Variants in PANK4 observed in about 807,000 individuals in gnomAD.
The protein encoded by PANK4 is pantothenate kinase 4 (inactive).
A neutral mutation model predicts 87.9 loss-of-function variants in PANK4; 40 were observed. The ratio of observed to expected loss-of-function variants is 0.46; its 90% confidence interval spans 0.35 to 0.59. The LOEUF is 0.59. PANK4 is among the 20% of genes least tolerant of loss of function. The pLI is 0.00. For synonymous variants in PANK4, 524 were observed against 467.4 expected (o/e 1.12, Z -1.56); for missense variants, 926 against 1,072.3 (o/e 0.86, Z 1.90).
intron 7 of PANK4, among the ~76,000 whole-genome samples, chr1:2,518,840 G>C (rs1248290825): frequency 1.3e-5 from 2 of 152,260 alleles, no homozygotes; most frequent in African/African-American, 4.8e-5. Context: ...ACAAGTCTCT[G>C]CGTCAGGCAT....
chr1:2,518,842 G>A (rs915963971), intron 7 of PANK4, among the ~76,000 whole-genome samples: 9 of 152,250 alleles, frequency 5.9e-5, no homozygotes, highest in Non-Finnish European at 1.0e-4. Context: ...AAGTCTCTGC[G>A]TCAGGCATGT....
chr1:2,521,813 C>T lies in PANK4; in HGVS notation c.125-13G>A, dbSNP rs200267772. 1.6e-3 allele frequency: 2,515 copies of T among 1,610,556 alleles called. 3 individuals are homozygous for T. Among genetic ancestry groups the T allele is most frequent in the Admixed American group, 2.1e-3 (127 of 60,020 alleles). Reference sequence around the variant, plus strand: ...GTTAACGACCCGCCTGCAGGGGAGACACAAACCGGGCAGGATTCAGGACCA... The same window carrying T: ...GTTAACGACCCGCCTGCAGGGGAGATACAAACCGGGCAGGATTCAGGACCA... On this transcript the variant is annotated splice_polypyrimidine_tract_variant and intron_variant, in intron 1 of 18. Transcript: ENST00000378466.
chr1:2,519,894 C>A lies in PANK4; in HGVS notation c.760G>T (p.Val254Leu). The change falls in exon 6 of 19, where the codon GTG (valine) becomes TTG (leucine). Residue 254 changes from valine to leucine, a missense_variant. By Grantham distance (32) the Val-to-Leu change is conservative. Transcript: ENST00000378466. This position sits in a 1 kb window ranked among gnomAD's most constrained non-coding sequence, Gnocchi z 8.3. ...RGQHSNVDML[V>L]RDVYGGAHQT... Reference sequence around the variant, plus strand: ...TGGGCGCCGCCGTAGACGTCCCGCACCAGCATGTCCACATTGCTGTGCTGG... The same window carrying A: ...TGGGCGCCGCCGTAGACGTCCCGCAACAGCATGTCCACATTGCTGTGCTGG... The A allele has an allele frequency of 6.4e-7, 1 of 1,567,788 alleles. No homozygotes were observed. Among genetic ancestry groups the A allele is most frequent in the Non-Finnish European group, 8.6e-7 (1 of 1,156,452 alleles).
At chr1:2,517,479 AATGAGCC>A (rs1643801690) in intron 9 of PANK4, among the ~76,000 whole-genome samples, 1 of 152,208 alleles carries the variant, frequency 6.6e-6, no homozygotes, top group South Asian at 2.1e-4. Flanking sequence ...CTACAGAAGG[AATGAGCC>A]CCGCGGGGGG....
rs547503062 is a variant in PANK4 at position 2,508,608 on chromosome 1, C to T, written c.*239G>A. On this transcript the variant is annotated 3_prime_UTR_variant, in exon 19 of 19. Coordinates refer to ENST00000378466, the MANE Select transcript of PANK4 (RefSeq NM_018216.4). The surrounding 1 kb of genome is among the most constrained non-coding windows in gnomAD (Gnocchi z 5.1). Reference sequence around the variant, plus strand: ...GTCAGACATACCTGTATAGATCTCTCTATTTATATATATATATATATAAAA... The same window carrying T: ...GTCAGACATACCTGTATAGATCTCTTTATTTATATATATATATATATAAAA... The T allele has an allele frequency of 4.5e-6, 1 of 223,688 alleles. No homozygotes were observed. The highest frequency in any genetic ancestry group is 7.7e-6 in the Non-Finnish European group (1 of 129,672). The allele number at this position is 223,688 out of a possible 1,614,324, so 13.9% of individuals were successfully genotyped here. A position where few individuals can be genotyped will look rare whatever the true frequency, so the allele number is the denominator to read the frequency against.
intron 1 of PANK4, 153 bp from the exon 2 acceptor site, chr1:2,521,953 A>G: frequency 1.5e-6 from 1 of 646,782 alleles, no homozygotes; most frequent in Non-Finnish European, 2.8e-6. Flanking sequence ...TGTGGGCACA[A>G]AAGAGAGGAC....
At position 2,520,455 on chromosome 1, in the gene PANK4, C is replaced by G. The variant is rs776953503; in HGVS notation, c.607-41G>C. The G allele has an allele frequency of 2.6e-6, 4 of 1,546,826 alleles. No homozygotes were observed. In the South Asian group the frequency reaches 4.5e-5, roughly 17 times the overall value. ...GGCAGGTGTGCCCTCAGTGGGCCCT[C>G]AGCCACACAGGCTCCCCCGCCCCCC... On this transcript the variant is annotated intron_variant, in intron 4 of 18. Coordinates refer to ENST00000378466, the MANE Select transcript of PANK4 (RefSeq NM_018216.4). The surrounding 1 kb of genome is among the most constrained non-coding windows in gnomAD (Gnocchi z 6.2).
rs993754834 is a variant in PANK4 at position 2,521,868 on chromosome 1, C to T, written c.125-68G>A. ...ACAGCGGGGCCTGGGGGTCCATGCC[C>T]CACACTCTCTGGGTGTCCTGGAGAC... On this transcript the variant is annotated intron_variant, in intron 1 of 18. Transcript: ENST00000378466. 8.1e-6 allele frequency: 10 copies of T among 1,227,224 alleles called. No homozygotes were observed. In the Admixed American group the frequency reaches 1.2e-4, roughly 14 times the overall value. 76.0% of individuals were successfully genotyped at this position (1,227,224 alleles called of 1,614,324 possible).
rs1643863423 is a variant in PANK4, at chr1:2,520,224, C to A, written c.699+98G>T. ...CACTGACGCGAGTCAGGAGGGAGGC[C>A]CGGAAGCAGCTTTTGCACCGCCCAG... On this transcript the variant is annotated intron_variant, in intron 5 of 18. Coordinates refer to ENST00000378466, the MANE Select transcript of PANK4 (RefSeq NM_018216.4). The surrounding 1 kb of genome is among the most constrained non-coding windows in gnomAD (Gnocchi z 6.2). The A allele has an allele frequency of 3.0e-5, 35 of 1,168,440 alleles. 1 individual carries two copies. The South Asian group carries it at 4.3e-4, about 15-fold the overall frequency. 72.4% of individuals were successfully genotyped at this position (1,168,440 alleles called of 1,614,324 possible).
In PANK4 at chr1:2,521,808, GGA is replaced by G. The variant is rs746097099; in HGVS notation, c.125-10_125-9del. On this transcript the variant is annotated splice_polypyrimidine_tract_variant and intron_variant, in intron 1 of 18. Coordinates refer to ENST00000378466, the MANE Select transcript of PANK4 (RefSeq NM_018216.4). ...GCTTGGTTAACGACCCGCCTGCAGG[GGA>G]GACACAAACCGGGCAGGATTCAGGA... is the stretch of plus-strand genomic sequence containing the variant. 24 of 1,612,732 alleles carry G rather than the reference GGA, an allele frequency of 1.5e-5. No individual in the cohort carries two copies. The East Asian group carries it at 5.1e-4, about 34-fold the overall frequency.
Position 2,523,271 on chromosome 1 carries a change from G to T in PANK4, c.125-1471C>A, listed in dbSNP as rs542675594. On this transcript the variant is annotated intron_variant, in intron 1 of 18. Coordinates refer to ENST00000378466, the MANE Select transcript of PANK4 (RefSeq NM_018216.4). ...GGTGAGGGCAGGCTCCCCGACGGCT[G>T]GCGTACAGTCTGGTGGACGCGTCAC... is the stretch of plus-strand genomic sequence containing the variant. Among the ~76,000 whole-genome samples the T allele has an allele frequency of 5.9e-3, 901 of 152,202 alleles. 3 individuals are homozygous for T. The highest frequency in any genetic ancestry group is 0.01 in the Non-Finnish European group (687 of 67,998).
intron 1 of PANK4, among the ~76,000 whole-genome samples, chr1:2,523,433 A>G (rs1405191241): frequency 6.6e-6 from 1 of 152,206 alleles, no homozygotes; most frequent in African/African-American, 2.4e-5. Flanking sequence ...ATCGTTTTCT[A>G]AAACGACAGA....
chr1:2,515,794 T>C lies in PANK4; in HGVS notation c.1219-77A>G, dbSNP rs1011954041. On this transcript the variant is annotated intron_variant, in intron 9 of 18. Transcript: ENST00000378466. The surrounding 1 kb of genome is among the most constrained non-coding windows in gnomAD (Gnocchi z 5.0). The stretch of plus-strand genomic sequence containing the variant: ...CCAAGCCACACTCAGAAGCTTCCAC[T>C]CTCTCTCTAAGAAGGGAGATGTACT... 49 of 1,369,900 alleles carry C rather than the reference T, an allele frequency of 3.6e-5. 2 individuals are homozygous for C. The South Asian group carries it at 5.8e-4, about 16-fold the overall frequency. 84.9% of individuals were successfully genotyped at this position (1,369,900 alleles called of 1,614,324 possible).
chr1:2,511,557 C>T lies in PANK4; in HGVS notation c.1783+71G>A, dbSNP rs369552202. 9.7e-5 allele frequency: 115 copies of T among 1,182,566 alleles called. 1 individual carries two copies. The highest frequency in any genetic ancestry group is 7.3e-5 in the South Asian group (6 of 82,276). The allele number at this position is 1,182,566 out of a possible 1,614,324, so 73.3% of individuals were successfully genotyped here. On this transcript the variant is annotated intron_variant, in intron 14 of 18. Transcript: ENST00000378466. ...CCTGGACCCCGACCGCAACTGCATT[C>T]GCTGTTGCAGAGAACGTCCAGGCAT... is the stretch of plus-strand genomic sequence containing the variant.
At chr1:2,526,299 A>G in intron 1 of PANK4, 165 bp downstream of exon 1, 1 of 211,662 alleles carries the variant, frequency 4.7e-6, no homozygotes, top group Non-Finnish European at 8.2e-6. Context: ...GCGGACTACA[A>G]GGCCCGTGAG....
Position 2,523,054 on chromosome 1 carries a change from T to A in PANK4, c.125-1254A>T, listed in dbSNP as rs932965565. On this transcript the variant is annotated intron_variant, in intron 1 of 18. Transcript: ENST00000378466. ...AAAAAGAGGCAAAAATCCCACATCATGAGAGTAATGAGGCTAAAGTTATTT... is the reference window on the plus strand; with the variant it reads ...AAAAAGAGGCAAAAATCCCACATCAAGAGAGTAATGAGGCTAAAGTTATTT... Among the ~76,000 whole-genome samples, 31 of 151,862 alleles carry A rather than the reference T, an allele frequency of 2.0e-4. 1 individual carries two copies. The highest frequency in any genetic ancestry group is 3.7e-4 in the Non-Finnish European group (25 of 67,948).
chr1:2,515,632 G>A lies in PANK4; in HGVS notation c.1304C>T (p.Thr435Met), dbSNP rs1202180389. ...CAGAGCGTCATCGGTGAGGTCCACC[G>A]TGTCGGGCACGTAGGAGGGCGGGTC... ...LLDPPSYVPD[T>M]VDLTDDALAR... The change falls in exon 10 of 19, where the codon ACG becomes ATG. Residue 435 changes from threonine to methionine, a missense_variant. Transcript: ENST00000378466. This position sits in a 1 kb window ranked among gnomAD's most constrained non-coding sequence, Gnocchi z 5.0. 2 of 1,613,326 alleles carry A rather than the reference G, an allele frequency of 1.2e-6. No individual in the cohort carries two copies. The highest frequency in any genetic ancestry group is 1.7e-6 in the Non-Finnish European group (2 of 1,179,968).
intron 2 of PANK4, 187 bp from the exon 3 acceptor site, chr1:2,521,502 G>A (rs771621251): frequency 7.0e-5 from 48 of 687,304 alleles, no homozygotes; most frequent in African/African-American, 8.8e-5. Flanking sequence ...CAGCAGGAGC[G>A]GAAGCCTCTC....
chr1:2,522,905 G>A (rs1163219345), intron 1 of PANK4, among the ~76,000 whole-genome samples: 2 of 150,968 alleles, frequency 1.3e-5, no homozygotes, highest in Admixed American at 6.6e-5. Context: ...TGACTTAACA[G>A]AGGGCACCGT....
Sources: allele counts gnomAD v4.1 joint callset (sites outside exome capture counted in the v4.1 genomes callset), GRCh38; gene constraint gnomAD v4.1.1; non-coding constraint Gnocchi (gnomAD v3.1); transcripts MANE v1.5; gene names NCBI Gene and HGNC (gene_info 2026-07-23, HGNC 2026-07-21).